Variants in KIF13B observed in about 807,000 individuals in gnomAD.
KIF13B encodes kinesin-like protein KIF13B.
KIF13B carries 127 observed loss-of-function variants against 222.0 expected under a neutral mutation model. The observed-to-expected ratio is 0.57, with a 90% CI of 0.50 to 0.66. KIF13B has a LOEUF of 0.66. Among genes scored for constraint, KIF13B ranks in the 30% least tolerant of loss-of-function variants. KIF13B has a pLI of 0.00. For missense variants in KIF13B, 2,173 were observed against 2,379.0 expected, an observed-to-expected ratio of 0.91 and a Z score of 1.80; for synonymous variants, 976 against 919.0, an observed-to-expected ratio of 1.06 and a Z score of -1.12.
intron 34 of KIF13B, 37 bp downstream of exon 34, chr8:29,109,397 C>T (rs568263020): frequency 6.6e-7 from 1 of 1,507,278 alleles, no homozygotes; most frequent in South Asian, 1.1e-5. Flanking sequence ...GGAGAGAAGT[C>T]CCAGGCACAG....
chr8:29,155,354 G>A (rs770152955), intron 14 of KIF13B, among the ~76,000 whole-genome samples: 12 of 152,178 alleles, frequency 7.9e-5, no homozygotes, highest in Non-Finnish European at 1.3e-4. Context: ...AGACCCAACA[G>A]GAGTTAGCAG....
At chr8:29,094,883 A>G (rs1808452057) in intron 36 of KIF13B, among the ~76,000 whole-genome samples, 1 of 151,976 alleles carries the variant, frequency 6.6e-6, no homozygotes, top group Non-Finnish European at 1.5e-5. Flanking sequence ...AAAAACAATG[A>G]CTGAAATGAA....
rs767403615 is a variant in KIF13B at position 29,263,021 on chromosome 8, T to C, written c.14A>G (p.Lys5Arg). 62 of 1,598,532 alleles carry C rather than the reference T, an allele frequency of 3.9e-5. No individual in the cohort carries two copies. Among genetic ancestry groups the C allele is most frequent in the Non-Finnish European group, 5.1e-5 (60 of 1,173,828 alleles). Residue 5 changes from lysine to arginine, a missense_variant, in exon 1 of 40, where the codon AAA becomes AGA. By Grantham distance (26) the Lys-to-Arg change is conservative. This residue lies in a region of KIF13B where 1,480 missense variants were observed against 1,722.8 expected (regional missense o/e 0.86). Coordinates refer to ENST00000524189, the MANE Select transcript of KIF13B (RefSeq NM_015254.4). ...TCGTATCCGCACCGCCACTTTCACT[T>C]TGGAGTCCCCCATCCTGCAGCCGCC... MGDS[K>R]VKVAVRIRPM...
At chr8:29,184,533 T>C (rs1236677856) in intron 6 of KIF13B, among the ~76,000 whole-genome samples, 1 of 152,146 alleles carries the variant, frequency 6.6e-6, no homozygotes, top group Non-Finnish European at 1.5e-5. Context: ...CTTAAGAAAC[T>C]TGTTCAATAG....
chr8:29,203,340 G>C (rs1042801867), intron 2 of KIF13B, among the ~76,000 whole-genome samples: 6 of 152,030 alleles, frequency 3.9e-5, no homozygotes, highest in African/African-American at 1.4e-4. Context: ...GACTCTACAG[G>C]CTAACTCCTA....
At chr8:29,182,465 A>G (rs970496024) in intron 6 of KIF13B, among the ~76,000 whole-genome samples, 17 of 152,226 alleles carry the variant, frequency 1.1e-4, no homozygotes, top group African/African-American at 3.9e-4. Context: ...GCTATCCACC[A>G]TTGGAAAAAA....
intron 2 of KIF13B, among the ~76,000 whole-genome samples, chr8:29,203,947 G>GACTGAA (rs1400867022): frequency 1.5e-5 from 2 of 133,372 alleles, no homozygotes; most frequent in African/African-American, 5.5e-5. Flanking sequence ...TACAAGAAAA[G>GACTGAA]ACTGAAACTG....
chr8:29,196,081 C>T, intron 3 of KIF13B, 106 bp downstream of exon 3: 2 of 1,025,332 alleles, frequency 2.0e-6, no homozygotes, highest in South Asian at 1.5e-5. Context: ...ATTACTTGTA[C>T]AAAATGATAG....
chr8:29,135,922 A>C (rs1563730654), intron 21 of KIF13B, among the ~76,000 whole-genome samples: 1 of 151,350 alleles, frequency 6.6e-6, no homozygotes, highest in Non-Finnish European at 1.5e-5. Flanking sequence ...GCAAAAACAC[A>C]TTTCGAGAAG....
Position 29,167,460 on chromosome 8 carries a change from A to G in KIF13B, c.1071T>C (p.Ala357=). 2 of 1,613,930 alleles carry G rather than the reference A, an allele frequency of 1.2e-6. No individual in the cohort carries two copies. The highest frequency in any genetic ancestry group is 1.7e-6 in the Non-Finnish European group (2 of 1,179,830). ...GGGCATTAGGGTCCTCATTCACCAC[A>G]GCGTGGTTTACAATGTGCTTGGCTC... ...ADRAKHIVNH[A]VVNEDPNARI... is the part of the protein sequence containing the mutation. Residue 357 remains alanine, a synonymous_variant, in exon 11 of 40, where the codon GCT becomes GCC. Transcript: ENST00000524189.
At chr8:29,193,001 G>A (rs944918128) in intron 3 of KIF13B, among the ~76,000 whole-genome samples, 1 of 152,174 alleles carries the variant, frequency 6.6e-6, no homozygotes, top group Non-Finnish European at 1.5e-5. Context: ...GGCAACTAAA[G>A]GGGGAGGCAG....
At chr8:29,206,909 C>T (rs1181185831) in intron 2 of KIF13B, among the ~76,000 whole-genome samples, 1 of 152,088 alleles carries the variant, frequency 6.6e-6, no homozygotes, top group East Asian at 1.9e-4. Context: ...GCTGAAAGGA[C>T]GTTTGATGGT....
intron 38 of KIF13B, among the ~76,000 whole-genome samples, chr8:29,072,732 C>G (rs1807358821): frequency 6.6e-6 from 1 of 152,114 alleles, no homozygotes; most frequent in African/African-American, 2.4e-5. Context: ...ACCTTTCATA[C>G]AAAATAGAAT....
intron 1 of KIF13B, among the ~76,000 whole-genome samples, chr8:29,246,509 C>T (rs776197708): frequency 6.6e-6 from 1 of 151,502 alleles, no homozygotes; most frequent in Non-Finnish European, 1.5e-5. Context: ...AATTGAAAGA[C>T]AATACTGTTA....
intron 1 of KIF13B, among the ~76,000 whole-genome samples, chr8:29,250,668 G>T (rs1586987929): frequency 6.6e-6 from 1 of 152,116 alleles, no homozygotes; most frequent in East Asian, 1.9e-4. Context: ...GTCGATTGAA[G>T]GATAGTAAGA....
chr8:29,234,442 A>C (rs1815418916), intron 2 of KIF13B, among the ~76,000 whole-genome samples: 2 of 151,200 alleles, frequency 1.3e-5, no homozygotes, highest in African/African-American at 2.4e-5. Context: ...GATTCCATTT[A>C]CATGAGGTCC....
intron 32 of KIF13B, 117 bp downstream of exon 32, chr8:29,113,346 T>TACC: frequency 8.8e-6 from 5 of 566,748 alleles, no homozygotes; most frequent in Non-Finnish European, 9.2e-6. Flanking sequence ...TAAAAATCTA[T>TACC]ACCTTCCCTA....
chr8:29,133,041 T>C (rs183042160), intron 22 of KIF13B, among the ~76,000 whole-genome samples: 1 of 152,356 alleles, frequency 6.6e-6, no homozygotes, highest in East Asian at 1.9e-4. Flanking sequence ...ATCTCTGTTG[T>C]TGTCTCCCCC....
At chr8:29,196,328 A>C in intron 2 of KIF13B, 129 bp from the exon 3 acceptor site, 1 of 765,112 alleles carries the variant, frequency 1.3e-6, no homozygotes, top group East Asian at 2.7e-5. Context: ...GTAAGAATAT[A>C]AAATAATACC....
Sources: gnomAD v4.1 joint callset for allele counts (sites outside exome capture counted in the v4.1 genomes callset) on GRCh38, gnomAD v4.1.1 for gene constraint, gnomAD v4.1.1 regional missense constraint, MANE v1.5 for transcripts, NCBI Gene and HGNC (gene_info 2026-07-23, HGNC 2026-07-21) for gene names.